Variants in SLC12A8 observed in about 807,000 individuals in gnomAD.
The protein encoded by SLC12A8 is cation-chloride cotransporter 9.
SLC12A8 carries 69 observed loss-of-function variants against 75.6 expected under a neutral mutation model. That is an observed-to-expected ratio of 0.91 (90% CI 0.75 to 1.11). SLC12A8 has a LOEUF of 1.11. Ranked by LOEUF, SLC12A8 falls within the 50% of genes most tolerant of loss-of-function variation. The probability of loss-of-function intolerance (pLI) is 0.00; values close to 1 mark genes in which losing one functional copy is unlikely to be tolerated. For missense variants in SLC12A8, 877 were observed against 896.7 expected (o/e 0.98, Z 0.28); for synonymous variants, 365 against 372.8 (o/e 0.98, Z 0.24).
chr3:125,198,918 C>T (rs1935060432), intron 2 of SLC12A8, among the ~76,000 whole-genome samples: 1 of 151,820 alleles, frequency 6.6e-6, no homozygotes, highest in African/African-American at 2.4e-5. Flanking sequence ...GCTGAGACTA[C>T]AGGCACCCGC....
chr3:125,144,782 T>C (rs1933731696), intron 5 of SLC12A8, among the ~76,000 whole-genome samples: 1 of 152,316 alleles, frequency 6.6e-6, no homozygotes, highest in South Asian at 2.1e-4. Flanking sequence ...AAGTCTTCCC[T>C]GCCCCACTGT....
intron 10 of SLC12A8, among the ~76,000 whole-genome samples, chr3:125,104,003 T>TAA (rs57011863): frequency 1.5e-5 from 2 of 135,560 alleles, no homozygotes; most frequent in African/African-American, 5.4e-5. Context: ...CTCCAAGATT[T>TAA]AAAAAAAAAA....
At chr3:125,129,973 G>A (rs997558225) in intron 6 of SLC12A8, among the ~76,000 whole-genome samples, 5 of 152,072 alleles carry the variant, frequency 3.3e-5, no homozygotes, top group African/African-American at 7.2e-5. Context: ...AAGCTCCTCT[G>A]CACCCCTCCT....
chr3:125,110,091 G>T (rs1456555731), intron 9 of SLC12A8, 98 bp downstream of exon 9: 13 of 1,258,650 alleles, frequency 1.0e-5, no homozygotes, highest in African/African-American at 3.0e-5. Flanking sequence ...ATTGACCAGA[G>T]GCTCTGATCA....
At chr3:125,153,038 C>T (rs1933966893) in intron 5 of SLC12A8, among the ~76,000 whole-genome samples, 1 of 152,192 alleles carries the variant, frequency 6.6e-6, no homozygotes, top group Admixed American at 6.5e-5. Context: ...TCTTTGGAGA[C>T]AGTGCTCTGA....
In SLC12A8 at chr3:125,177,661, G is replaced by C. The variant is rs111361612; in HGVS notation, c.622+82C>G. The C allele has an allele frequency of 9.6e-6, 10 of 1,046,000 alleles. No homozygotes were observed. The African/African-American group carries it at 1.6e-4, about 16-fold the overall frequency. 64.8% of individuals were successfully genotyped at this position (1,046,000 alleles called of 1,614,324 possible). On this transcript the variant is annotated intron_variant, in intron 5 of 13. Transcript: ENST00000469902. ...AAGCCTATGGGGGTTAGGGGGAGATGGGGTGGGCAAACTCACACCTACAAA... is the reference window on the plus strand; with the variant it reads ...AAGCCTATGGGGGTTAGGGGGAGATCGGGTGGGCAAACTCACACCTACAAA...
At chr3:125,101,562 A>AC (rs1473091897) in intron 10 of SLC12A8, among the ~76,000 whole-genome samples, 1 of 152,194 alleles carries the variant, frequency 6.6e-6, no homozygotes, top group Non-Finnish European at 1.5e-5. Flanking sequence ...CTTCTGTGAC[A>AC]CTGTGTTGTA....
intron 13 of SLC12A8, 98 bp downstream of exon 13, chr3:125,088,212 A>G: frequency 4.0e-6 from 5 of 1,264,444 alleles, no homozygotes; most frequent in South Asian, 2.5e-5. Flanking sequence ...CCATGCCACA[A>G]TCCAGGCCCA....
At chr3:125,186,809 T>C (rs1196311490) in intron 4 of SLC12A8, among the ~76,000 whole-genome samples, 1 of 152,228 alleles carries the variant, frequency 6.6e-6, no homozygotes, top group African/African-American at 2.4e-5. Context: ...GAGCTCCTGC[T>C]CATTTGAGAA....
chr3:125,186,631 T>C (rs1934789142), intron 4 of SLC12A8, among the ~76,000 whole-genome samples: 1 of 152,274 alleles, frequency 6.6e-6, no homozygotes, highest in Non-Finnish European at 1.5e-5. Flanking sequence ...GCCTGTGTTT[T>C]AGCTAAAAAA....
intron 8 of SLC12A8, among the ~76,000 whole-genome samples, chr3:125,114,532 C>CT (rs1259713874): frequency 6.6e-6 from 1 of 152,190 alleles, no homozygotes; most frequent in Non-Finnish European, 1.5e-5. Flanking sequence ...TCTAGCGATT[C>CT]TCTTGCCTCA....
chr3:125,126,581 C>G (rs7634309), intron 6 of SLC12A8, among the ~76,000 whole-genome samples: 12,378 of 152,224 alleles, frequency 0.081, 1,395 homozygotes, highest in African/African-American at 0.25. Flanking sequence ...GCCCGTTTCC[C>G]ACCCCAATTC....
chr3:125,151,780 A>AT (rs1417298907), intron 5 of SLC12A8, among the ~76,000 whole-genome samples: 1 of 152,220 alleles, frequency 6.6e-6, no homozygotes, highest in Non-Finnish European at 1.5e-5. Flanking sequence ...TTTTAAAAAC[A>AT]TTTTGATTTT....
chr3:125,110,605 C>T (rs1579476872), intron 8 of SLC12A8: 1 of 273,770 alleles, frequency 3.7e-6, no homozygotes, highest in East Asian at 6.4e-5. Flanking sequence ...ACACAAACTT[C>T]TGGGCCCCTC....
chr3:125,103,263 C>G (rs1227707491), intron 10 of SLC12A8, among the ~76,000 whole-genome samples: 1 of 151,988 alleles, frequency 6.6e-6, no homozygotes, highest in African/African-American at 2.4e-5. Flanking sequence ...CTGTGTGTCC[C>G]TCGGGCAAGG....
intron 13 of SLC12A8, among the ~76,000 whole-genome samples, chr3:125,084,423 G>A (rs1938407892): frequency 6.6e-6 from 1 of 151,832 alleles, no homozygotes; most frequent in South Asian, 2.1e-4. Context: ...TGGAGAGGCT[G>A]GAAAATTGAG....
At chr3:125,100,818 C>T (rs370975786) in intron 10 of SLC12A8, among the ~76,000 whole-genome samples, 403 of 147,424 alleles carry the variant, frequency 2.7e-3, no homozygotes, top group African/African-American at 9.0e-3. Flanking sequence ...TCGAGACCAT[C>T]CTGGCTAACA....
At chr3:125,191,687 C>A (rs1934912588) in intron 2 of SLC12A8, among the ~76,000 whole-genome samples, 1 of 152,222 alleles carries the variant, frequency 6.6e-6, no homozygotes, top group Non-Finnish European at 1.5e-5. Context: ...GATCTAGAAC[C>A]AAAGGCTAAG....
chr3:125,145,690 A>G (rs1388712815), intron 5 of SLC12A8, among the ~76,000 whole-genome samples: 2 of 152,238 alleles, frequency 1.3e-5, no homozygotes, highest in African/African-American at 2.4e-5. Context: ...ATATATACAT[A>G]CCTGTGATCA....
Sources: gnomAD v4.1 joint callset for allele counts (sites outside exome capture counted in the v4.1 genomes callset) on GRCh38, gnomAD v4.1.1 for gene constraint, MANE v1.5 for transcripts, NCBI Gene and HGNC (gene_info 2026-07-23, HGNC 2026-07-21) for gene names.